The following STAC variants were observed in gnomAD, a reference collection of about 807,000 sequenced individuals.
STAC encodes the protein SH3 and cysteine rich domain.
In STAC, 43 loss-of-function variants were observed where a neutral mutation model predicts 48.8. That is an observed-to-expected ratio of 0.88 (90% CI 0.69 to 1.14). STAC has a LOEUF of 1.14. Among genes scored for constraint, STAC ranks in the 50% most tolerant of loss-of-function variants. STAC has a pLI of 0.00. For missense variants in STAC, 497 were observed against 504.0 expected (o/e 0.99, Z 0.13); for synonymous variants, 193 against 179.5 (o/e 1.07, Z -0.60).
At chr3:36,501,303 T>C (rs1471669296) in intron 6 of STAC, among the ~76,000 whole-genome samples, 3 of 151,854 alleles carry the variant, frequency 2.0e-5, no homozygotes, top group African/African-American at 4.8e-5. Context: ...GAAAATAAAA[T>C]AGAATAAACT....
intron 2 of STAC, among the ~76,000 whole-genome samples, chr3:36,469,955 C>A (rs1697283888): frequency 6.6e-6 from 1 of 152,076 alleles, no homozygotes; most frequent in African/African-American, 2.4e-5. Context: ...TTTCACTGAA[C>A]AATTTTGCAT....
At chr3:36,411,162 A>G (rs1385289282) in intron 1 of STAC, among the ~76,000 whole-genome samples, 3 of 152,206 alleles carry the variant, frequency 2.0e-5, no homozygotes, top group Non-Finnish European at 4.4e-5. Flanking sequence ...AATCCTGTAG[A>G]CTACAACTTC....
chr3:36,488,443 T>A (rs1055736507), intron 5 of STAC, among the ~76,000 whole-genome samples: 1 of 152,194 alleles, frequency 6.6e-6, no homozygotes, highest in Non-Finnish European at 1.5e-5. Context: ...CCTTCTCTGA[T>A]GTGTCCTCCT....
intron 2 of STAC, among the ~76,000 whole-genome samples, chr3:36,458,730 C>T (rs1466901606): frequency 2.0e-5 from 3 of 152,194 alleles, no homozygotes; most frequent in South Asian, 2.1e-4. Context: ...TAAAGCTGCA[C>T]CTCAATTTAG....
chr3:36,445,601 G>A (rs1696487574), intron 2 of STAC, among the ~76,000 whole-genome samples: 1 of 152,144 alleles, frequency 6.6e-6, no homozygotes. Flanking sequence ...TGATAATGGA[G>A]CACAATTGAT....
In STAC at chr3:36,443,278, AG is replaced by A. The variant is rs1256528730; in HGVS notation, c.112-85del. 3 of 1,434,028 alleles carry A rather than the reference AG, an allele frequency of 2.1e-6. No homozygotes were observed. The Admixed American group carries it at 5.3e-5, about 25-fold the overall frequency. 88.8% of individuals were successfully genotyped at this position (1,434,028 alleles called of 1,614,324 possible). A position where few individuals can be genotyped will look rare whatever the true frequency, so the allele number is the denominator to read the frequency against. Reference sequence around the variant, plus strand: ...CGGAGGGTGTCAGTGGGGACTGTGTAGTGCACACAGCAGACCTTACCCCCAC... The same window carrying A: ...CGGAGGGTGTCAGTGGGGACTGTGTATGCACACAGCAGACCTTACCCCCAC... On this transcript the variant is annotated intron_variant, in intron 1 of 10. Coordinates refer to ENST00000273183, the MANE Select transcript of STAC (RefSeq NM_003149.3). The surrounding 1 kb of genome is among the most constrained non-coding windows in gnomAD (Gnocchi z 4.2).
chr3:36,464,415 A>G (rs896292399), intron 2 of STAC, among the ~76,000 whole-genome samples: 1 of 147,166 alleles, frequency 6.8e-6, no homozygotes, highest in Non-Finnish European at 1.5e-5. Flanking sequence ...GATTCTGGAC[A>G]TTAGCACTTT....
chr3:36,543,981 CG>C (rs2125506481), intron 10 of STAC, among the ~76,000 whole-genome samples: 1 of 152,106 alleles, frequency 6.6e-6, no homozygotes, highest in South Asian at 2.1e-4. Flanking sequence ...ACTCAAAGGG[CG>C]GGTGTTTATA....
chr3:36,450,770 C>T (rs1696653848), intron 2 of STAC, among the ~76,000 whole-genome samples: 1 of 152,196 alleles, frequency 6.6e-6, no homozygotes, highest in Non-Finnish European at 1.5e-5. Flanking sequence ...GGTGATCCAC[C>T]TACCTCGGCC....
Position 36,443,410 on chromosome 3 carries a change from G to A in STAC, c.158G>A (p.Arg53Gln), listed in dbSNP as rs62619171. 4.9e-5 allele frequency: 79 copies of A among 1,614,044 alleles called. No individual in the cohort carries two copies. Among genetic ancestry groups the A allele is most frequent in the African/African-American group, 3.3e-4 (25 of 74,914 alleles). ...RSLSFKTKSL[R>Q]SKSADNFFQR... is the part of the protein sequence containing the mutation. ...CTTTCTTTCAAGACCAAGAGTTTAC[G>A]GAGCAAAAGTGCTGACAACTTCTTC... The change falls in exon 2 of 11, where the codon CGG becomes CAG. Residue 53 changes from arginine to glutamine, a missense_variant. By Grantham distance (43) the Arg-to-Gln change is conservative (BLOSUM62 1). Coordinates refer to ENST00000273183, the MANE Select transcript of STAC (RefSeq NM_003149.3). The surrounding 1 kb of genome is among the most constrained non-coding windows in gnomAD (Gnocchi z 4.2).
Position 36,447,447 on chromosome 3 carries a change from A to G in STAC, c.388+3807A>G, listed in dbSNP as rs759875554. 6.6e-5 allele frequency among the ~76,000 whole-genome samples: 10 copies of G among 152,192 alleles called. 1 individual carries two copies. Among genetic ancestry groups the G allele is most frequent in the South Asian group, 2.1e-4 (1 of 4,822 alleles). ...TGCAGATGAACCTTGCAATTGCTGT[A>G]CCTAAAACATTATATTGCCATTATA... On this transcript the variant is annotated intron_variant, in intron 2 of 10. Transcript: ENST00000273183.
rs867907956 is a variant in STAC at position 36,437,392 on chromosome 3, T to A, written c.112-5972T>A. Among the ~76,000 whole-genome samples, 1,265 of 150,588 alleles carry A rather than the reference T, an allele frequency of 8.4e-3. 12 individuals carry two copies. The highest frequency in any genetic ancestry group is 0.01 in the Non-Finnish European group (695 of 67,858). ...GAACCAACCAAAATGTCCAACAATG[T>A]TAGACTGGATTAAGAAAATGTGGCA... On this transcript the variant is annotated intron_variant, in intron 1 of 10. Coordinates refer to ENST00000273183, the MANE Select transcript of STAC (RefSeq NM_003149.3).
At chr3:36,410,493 T>A (rs1235643259) in intron 1 of STAC, among the ~76,000 whole-genome samples, 2 of 151,968 alleles carry the variant, frequency 1.3e-5, no homozygotes, top group Admixed American at 6.6e-5. Flanking sequence ...AAAATTTGGA[T>A]CCCAGCAGCT....
intron 1 of STAC, among the ~76,000 whole-genome samples, chr3:36,392,099 C>G (rs117118180): frequency 6.6e-6 from 1 of 152,258 alleles, no homozygotes; most frequent in East Asian, 1.9e-4. Context: ...GAAAAGATTC[C>G]CATCACACCA....
intron 2 of STAC, among the ~76,000 whole-genome samples, chr3:36,452,052 C>T (rs998441035): frequency 3.3e-5 from 5 of 152,148 alleles, no homozygotes; most frequent in African/African-American, 1.2e-4. Flanking sequence ...AAGTTACTAG[C>T]ACATTCTTGC....
intron 3 of STAC, 94 bp downstream of exon 3, chr3:36,483,186 A>C: frequency 1.0e-6 from 1 of 957,034 alleles, no homozygotes; most frequent in East Asian, 2.6e-5. Flanking sequence ...CTTCCCTGAA[A>C]CCCTGAGCAA....
intron 1 of STAC, among the ~76,000 whole-genome samples, chr3:36,424,115 A>G (rs1409444299): frequency 1.3e-5 from 2 of 152,162 alleles, no homozygotes; most frequent in African/African-American, 2.4e-5. Flanking sequence ...GCTGATAAGT[A>G]TTTGTGGAAA....
At chr3:36,400,227 A>C (rs1453221742) in intron 1 of STAC, among the ~76,000 whole-genome samples, 1 of 152,230 alleles carries the variant, frequency 6.6e-6, no homozygotes, top group Non-Finnish European at 1.5e-5. Context: ...TAGATAATAG[A>C]GAGATAAATG....
In STAC at chr3:36,501,205, T is replaced by A. The variant is rs190257494; in HGVS notation, c.767-3188T>A. Among the ~76,000 whole-genome samples the A allele has an allele frequency of 1.3e-4, 20 of 152,284 alleles. No individual in the cohort carries two copies. In the East Asian group the frequency reaches 3.7e-3, roughly 28 times the overall value. On this transcript the variant is annotated intron_variant, in intron 6 of 10. Coordinates refer to ENST00000273183, the MANE Select transcript of STAC (RefSeq NM_003149.3). ...TCAAAACAACACGTATCCAAAGTGCTAAAGTTGGGATTTGAGTATTTAGCT... is the reference window on the plus strand; with the variant it reads ...TCAAAACAACACGTATCCAAAGTGCAAAAGTTGGGATTTGAGTATTTAGCT...
Sources: gnomAD v4.1 joint callset for allele counts (sites outside exome capture counted in the v4.1 genomes callset) on GRCh38, gnomAD v4.1.1 for gene constraint, Gnocchi (gnomAD v3.1) non-coding constraint, MANE v1.5 for transcripts, NCBI Gene and HGNC (gene_info 2026-07-23, HGNC 2026-07-21) for gene names.